CPVL: variants seen among roughly 807,000 people sequenced by gnomAD.
CPVL encodes the protein carboxypeptidase vitellogenic like.
Under a neutral mutation model 63.7 loss-of-function variants are expected in CPVL, and 51 were observed. The observed-to-expected ratio is 0.80, with a 90% CI of 0.64 to 1.01. CPVL has a LOEUF of 1.01. Among genes scored for constraint, CPVL ranks in the 50% least tolerant of loss-of-function variants. The pLI is 0.00. For missense variants in CPVL, 530 were observed against 573.1 expected (o/e 0.92, Z 0.77); for synonymous variants, 195 against 206.0 (o/e 0.95, Z 0.46).
intron 5 of CPVL, among the ~76,000 whole-genome samples, chr7:29,179,517 G>A (rs1797799614): frequency 1.3e-5 from 2 of 152,222 alleles, no homozygotes; most frequent in Non-Finnish European, 2.9e-5. Flanking sequence ...TCAGGAGTGA[G>A]AAGGAAAGAT....
intron 11 of CPVL, among the ~76,000 whole-genome samples, chr7:29,034,052 T>C (rs1191246016): frequency 1.3e-5 from 2 of 152,224 alleles, no homozygotes; most frequent in Non-Finnish European, 2.9e-5. Context: ...TTAGATTGGC[T>C]ATCTTCTAGG....
At chr7:29,030,814 A>C in intron 11 of CPVL, 55 bp from the exon 12 acceptor site, 1 of 1,486,060 alleles carries the variant, frequency 6.7e-7, no homozygotes. Flanking sequence ...GAAGCTCATG[A>C]ATCGAGCTAG....
chr7:29,090,317 T>C (rs528763563), intron 6 of CPVL, among the ~76,000 whole-genome samples: 1 of 152,332 alleles, frequency 6.6e-6, no homozygotes, highest in East Asian at 1.9e-4. Context: ...CTCTTCTGCA[T>C]TCACTCTACA....
At chr7:29,150,517 A>G (rs754691005), upstream of CPVL, among the ~76,000 whole-genome samples, 20 of 152,192 alleles carry the variant, frequency 1.3e-4, no homozygotes, top group Non-Finnish European at 2.8e-4. Flanking sequence ...AGCTTTGCTG[A>G]ACTCCTTAAA....
chr7:28,996,549 C>CAAAAAAAAAAAAAAAAAAAAAAAAAAAA, intron 12 of CPVL, among the ~76,000 whole-genome samples: 1 of 113,604 alleles, frequency 8.8e-6, no homozygotes, highest in African/African-American at 2.9e-5. Context: ...AACCAAAAAA[C>CAAAAAAAAAAAAAAAAAAAAAAAAAAAA]AAAAAAAAAA....
intron 5 of CPVL, among the ~76,000 whole-genome samples, chr7:29,178,333 C>T (rs976407325): frequency 2.3e-4 from 35 of 152,206 alleles, no homozygotes; most frequent in African/African-American, 8.0e-4. Context: ...CTATGACCCA[C>T]GTGGCTGCTA....
chr7:28,997,723 CT>C (rs1264442053), intron 12 of CPVL, among the ~76,000 whole-genome samples: 1 of 152,200 alleles, frequency 6.6e-6, no homozygotes, highest in African/African-American at 2.4e-5. Context: ...TCAATCATTC[CT>C]TATCTTTGAA....
chr7:29,006,185 A>G (rs1008021811), intron 12 of CPVL, among the ~76,000 whole-genome samples: 2 of 152,206 alleles, frequency 1.3e-5, no homozygotes, highest in African/African-American at 4.8e-5. Context: ...TGAAGTTGGT[A>G]GCTTGAAATT....
At chr7:29,076,059 C>A (rs950250336) in intron 7 of CPVL, among the ~76,000 whole-genome samples, 1 of 139,078 alleles carries the variant, frequency 7.2e-6, no homozygotes, top group Admixed American at 8.2e-5. Context: ...AAAAGACAAC[C>A]AGGTAATAAA....
At chr7:29,162,141 C>A (rs1250063391) in intron 5 of CPVL, among the ~76,000 whole-genome samples, 1 of 152,224 alleles carries the variant, frequency 6.6e-6, no homozygotes, top group Admixed American at 6.5e-5. Flanking sequence ...CACACATTTA[C>A]TATACAACTG....
At chr7:29,075,622 C>T (rs1784168444) in intron 7 of CPVL, among the ~76,000 whole-genome samples, 1 of 151,596 alleles carries the variant, frequency 6.6e-6, no homozygotes, top group Admixed American at 6.6e-5. Flanking sequence ...TTTATCTACT[C>T]CAAGCTTGCT....
At chr7:29,103,302 A>G (rs1351312313) in intron 3 of CPVL, among the ~76,000 whole-genome samples, 2 of 147,440 alleles carry the variant, frequency 1.4e-5, no homozygotes, top group Non-Finnish European at 3.0e-5. Flanking sequence ...CTGGAGTGCA[A>G]TAGCGTGATC....
intron 1 of CPVL, chr7:29,127,363 C>CA (rs1790143553): frequency 6.6e-6 from 1 of 152,104 alleles, no homozygotes; most frequent in Non-Finnish European, 1.5e-5. Context: ...TTACTATGTA[C>CA]AAAAAACTGT....
At chr7:29,169,465 T>G (rs925454990) in intron 5 of CPVL, among the ~76,000 whole-genome samples, 1 of 152,228 alleles carries the variant, frequency 6.6e-6, no homozygotes, top group Non-Finnish European at 1.5e-5. Context: ...TATAAATGTT[T>G]ATATACAATA....
intron 1 of CPVL, chr7:29,192,226 C>G (rs1012819751): frequency 2.6e-5 from 4 of 152,282 alleles, no homozygotes; most frequent in African/African-American, 9.7e-5. Context: ...AAACATGAGT[C>G]TCAGCTTTTT....
chr7:29,139,832 G>A (rs1791663637), intron 1 of CPVL, among the ~76,000 whole-genome samples: 1 of 152,102 alleles, frequency 6.6e-6, no homozygotes, highest in Admixed American at 6.6e-5. Context: ...AGTTAGAAGG[G>A]GAGAAAACAA....
chr7:29,104,665 T>C (rs761183645), intron 3 of CPVL, among the ~76,000 whole-genome samples: 17 of 152,182 alleles, frequency 1.1e-4, no homozygotes, highest in Non-Finnish European at 1.8e-4. Context: ...TACACCCCAT[T>C]AGAATCCTAA....
chr7:29,103,777 T>G (rs1787445244), intron 3 of CPVL, among the ~76,000 whole-genome samples: 1 of 152,170 alleles, frequency 6.6e-6, no homozygotes. Flanking sequence ...CACTAACAGA[T>G]CCAAATCAAT....
chr7:29,194,681 C>T (rs1783397015), intron 1 of CPVL: 4 of 373,470 alleles, frequency 1.1e-5, no homozygotes, highest in South Asian at 9.9e-5. Flanking sequence ...TCCCTCTGCT[C>T]CCACCTACCC....
Sources: allele counts gnomAD v4.1 joint callset (sites outside exome capture counted in the v4.1 genomes callset), GRCh38; gene constraint gnomAD v4.1.1; transcripts MANE v1.5; gene names NCBI Gene and HGNC (gene_info 2026-07-23, HGNC 2026-07-21).